Variants in MAF observed in about 807,000 individuals in gnomAD.
The protein encoded by MAF is transcription factor Maf.
In MAF, 10 loss-of-function variants were observed where a neutral mutation model predicts 22.0. That is an observed-to-expected ratio of 0.45 (90% CI 0.28 to 0.77). The LOEUF is 0.77. Ranked by LOEUF, MAF falls within the 30% of genes least tolerant of loss-of-function variation. MAF has a pLI of 0.12. For synonymous variants in MAF, 337 were observed against 255.8 expected (o/e 1.32, Z -3.03); for missense variants, 544 against 548.4 (o/e 0.99, Z 0.08).
chr16:79,352,568 C>T, the MAF span, among the ~76,000 whole-genome samples: 1 of 152,184 alleles, frequency 6.6e-6, no homozygotes, highest in African/African-American at 2.4e-5. Flanking sequence ...CCCCAATAAA[C>T]CTCAGCAGCT....
chr16:79,270,914 T>TTA, the MAF span, among the ~76,000 whole-genome samples: 3 of 151,304 alleles, frequency 2.0e-5, no homozygotes, highest in African/African-American at 7.3e-5. Flanking sequence ...TTTTTTTTTT[T>TTA]AATGAGACAG....
At chr16:79,360,979 C>T in the MAF span, among the ~76,000 whole-genome samples, 37 of 152,294 alleles carry the variant, frequency 2.4e-4, no homozygotes, top group African/African-American at 8.7e-4. Context: ...CAGAAATTGG[C>T]AAAAGCTACG....
the MAF span, chr16:79,229,510 A>C: frequency 9.9e-5 from 15 of 152,126 alleles, no homozygotes; most frequent in African/African-American, 3.4e-4. Context: ...CAAGGGACTC[A>C]TAAAAGTGTC....
At chr16:79,425,517 C>T in the MAF span, among the ~76,000 whole-genome samples, 1 of 152,108 alleles carries the variant, frequency 6.6e-6, no homozygotes, top group Non-Finnish European at 1.5e-5. Flanking sequence ...GAATAAAGTT[C>T]TTCTTTCTTT....
the MAF span, among the ~76,000 whole-genome samples, chr16:79,332,457 T>A: frequency 6.6e-6 from 1 of 152,154 alleles, no homozygotes; most frequent in East Asian, 1.9e-4. Context: ...TGCACCACCA[T>A]GCACAGCTAA....
chr16:79,587,503 G>T (rs1327769475), intron 1 of MAF, among the ~76,000 whole-genome samples: 1 of 152,152 alleles, frequency 6.6e-6, no homozygotes, highest in Non-Finnish European at 1.5e-5. Flanking sequence ...TTAAGAGATT[G>T]TGGGGAGAAT....
At chr16:79,228,559 C>T in the MAF span, among the ~76,000 whole-genome samples, 2 of 152,076 alleles carry the variant, frequency 1.3e-5, no homozygotes, top group African/African-American at 4.8e-5. Context: ...TCTTCCTGAT[C>T]CCTGAGCCCC....
chr16:79,315,070 C>A, the MAF span, among the ~76,000 whole-genome samples: 1 of 152,158 alleles, frequency 6.6e-6, no homozygotes, highest in Non-Finnish European at 1.5e-5. Flanking sequence ...TTATTAATTT[C>A]ATTTATTCAT....
chr16:79,522,523 G>T, the MAF span, among the ~76,000 whole-genome samples: 82 of 152,332 alleles, frequency 5.4e-4, no homozygotes, highest in African/African-American at 1.9e-3. Flanking sequence ...TGACTATCCT[G>T]TAGCCGGCAC....
chr16:79,410,906 A>G, the MAF span, among the ~76,000 whole-genome samples: 1 of 152,178 alleles, frequency 6.6e-6, no homozygotes, highest in Non-Finnish European at 1.5e-5. Flanking sequence ...ATACCTGACA[A>G]TGAAGGACCT....
the MAF span, among the ~76,000 whole-genome samples, chr16:79,376,413 A>C: frequency 6.6e-6 from 1 of 152,156 alleles, no homozygotes; most frequent in Non-Finnish European, 1.5e-5. Context: ...TTATTACACT[A>C]TGACCCAGGG....
chr16:79,301,054 A>G, the MAF span, among the ~76,000 whole-genome samples: 1 of 152,112 alleles, frequency 6.6e-6, no homozygotes, highest in East Asian at 1.9e-4. Context: ...TGAAAAAAAC[A>G]CACACAAAAC....
At chr16:79,249,694 A>G in the MAF span, among the ~76,000 whole-genome samples, 7 of 152,186 alleles carry the variant, frequency 4.6e-5, no homozygotes, top group Non-Finnish European at 7.3e-5. Flanking sequence ...ATTTCTTAGA[A>G]GTTAGCTTAA....
At chr16:79,398,723 C>G in the MAF span, among the ~76,000 whole-genome samples, 1 of 152,006 alleles carries the variant, frequency 6.6e-6, no homozygotes, top group South Asian at 2.1e-4. Flanking sequence ...TAATGAATGG[C>G]AAATCTCCCA....
the MAF span, among the ~76,000 whole-genome samples, chr16:79,242,123 A>C: frequency 6.6e-6 from 1 of 152,026 alleles, no homozygotes. Flanking sequence ...ACTATGAAGA[A>C]ACTGCAGCAA....
chr16:79,246,468 A>G, the MAF span, among the ~76,000 whole-genome samples: 2 of 144,794 alleles, frequency 1.4e-5, no homozygotes, highest in African/African-American at 5.2e-5. Context: ...ATAGACACCC[A>G]TTAAAATAAC....
At chr16:79,217,176 C>G in the MAF span, among the ~76,000 whole-genome samples, 1 of 152,134 alleles carries the variant, frequency 6.6e-6, no homozygotes, top group Non-Finnish European at 1.5e-5. Flanking sequence ...ATGGGTTAGG[C>G]AAATCACTTT....
the MAF span, among the ~76,000 whole-genome samples, chr16:79,402,475 C>T: frequency 6.6e-6 from 1 of 152,194 alleles, no homozygotes; most frequent in Non-Finnish European, 1.5e-5. Flanking sequence ...CTTCCAGGCC[C>T]AGGTGGCCAC....
the MAF span, among the ~76,000 whole-genome samples, chr16:79,420,806 G>A: frequency 6.6e-6 from 1 of 152,222 alleles, no homozygotes; most frequent in Admixed American, 6.5e-5. Context: ...AAGGCGGGTG[G>A]ATCACCTGAG....
Sources: allele counts gnomAD v4.1 joint callset (sites outside exome capture counted in the v4.1 genomes callset), GRCh38; gene constraint gnomAD v4.1.1; transcripts MANE v1.5; gene names NCBI Gene and HGNC (gene_info 2026-07-23, HGNC 2026-07-21).